Variants in DYNLT2B observed in about 807,000 individuals in gnomAD.
DYNLT2B encodes dynein light chain Tctex-type 2B.
Under a neutral mutation model 19.5 loss-of-function variants are expected in DYNLT2B, and 14 were observed. The observed-to-expected ratio is 0.72, with a 90% CI of 0.47 to 1.12. The LOEUF is 1.12. Ranked by LOEUF, DYNLT2B falls within the 50% of genes most tolerant of loss-of-function variation. DYNLT2B has a pLI of 0.00. For missense variants in DYNLT2B, 133 were observed against 174.7 expected (o/e 0.76, Z 1.35); for synonymous variants, 70 against 59.7 (o/e 1.17, Z -0.79).
chr3:196,317,968 G>C, intron 1 of DYNLT2B, 72 bp downstream of exon 1: 1 of 922,906 alleles, frequency 1.1e-6, no homozygotes, highest in African/African-American at 1.7e-5. Context: ...CCGTGGCCCA[G>C]GTCCCAGGCG....
At chr3:196,308,929 C>T (rs924512057) in intron 2 of DYNLT2B, among the ~76,000 whole-genome samples, 1 of 151,814 alleles carries the variant, frequency 6.6e-6, no homozygotes, top group African/African-American at 2.4e-5. Context: ...AAAAAACCCA[C>T]ACCATATCAG....
intron 3 of DYNLT2B, among the ~76,000 whole-genome samples, chr3:196,300,066 G>A (rs757280951): frequency 6.6e-6 from 1 of 152,154 alleles, no homozygotes; most frequent in African/African-American, 2.4e-5. Flanking sequence ...TGGAGGAAAC[G>A]GCTTATGGGC....
At chr3:196,309,266 C>CT (rs1303255001) in intron 2 of DYNLT2B, among the ~76,000 whole-genome samples, 2 of 151,998 alleles carry the variant, frequency 1.3e-5, no homozygotes, top group African/African-American at 2.4e-5. Flanking sequence ...AACAATTTTT[C>CT]TTTTTTTCTT....
At chr3:196,313,587 C>T (rs1333093291) in intron 2 of DYNLT2B, among the ~76,000 whole-genome samples, 1 of 151,856 alleles carries the variant, frequency 6.6e-6, no homozygotes, top group Non-Finnish European at 1.5e-5. Context: ...GAATGTGTAC[C>T]ATTTTTTACA....
chr3:196,313,620 C>T (rs1354323234), intron 2 of DYNLT2B, among the ~76,000 whole-genome samples: 2 of 152,240 alleles, frequency 1.3e-5, no homozygotes, highest in Non-Finnish European at 2.9e-5. Flanking sequence ...GATGAACCTT[C>T]ATTAAAAAGT....
intron 4 of DYNLT2B, among the ~76,000 whole-genome samples, chr3:196,292,157 T>G (rs1044303803): frequency 6.6e-6 from 1 of 152,344 alleles, no homozygotes; most frequent in Non-Finnish European, 1.5e-5. Context: ...TGTTCTTAAT[T>G]GATAAAATTT....
At chr3:196,300,350 A>G (rs758718561) in intron 3 of DYNLT2B, among the ~76,000 whole-genome samples, 1 of 152,184 alleles carries the variant, frequency 6.6e-6, no homozygotes, top group Non-Finnish European at 1.5e-5. Flanking sequence ...CAAGATCTGA[A>G]AGTCAGCACC....
rs138049431 is a variant in DYNLT2B at position 196,296,897 on chromosome 3, G to A, written c.318-828C>T. The stretch of plus-strand genomic sequence containing the variant: ...ACCTGTGAACAGCCACTGCACTTCA[G>A]CCTGGGAGACACAGCAGGACCCTGG... On this transcript the variant is annotated intron_variant, in intron 3 of 4. Coordinates refer to ENST00000325318, the MANE Select transcript of DYNLT2B (RefSeq NM_152773.5). Among the ~76,000 whole-genome samples the A allele has an allele frequency of 3.3e-3, 507 of 152,164 alleles. 12 individuals carry two copies. The South Asian group carries it at 0.064, about 19-fold the overall frequency.
intron 4 of DYNLT2B, among the ~76,000 whole-genome samples, chr3:196,293,735 C>T (rs1726151075): frequency 6.7e-6 from 1 of 148,792 alleles, no homozygotes; most frequent in African/African-American, 2.5e-5. Flanking sequence ...ACCTCTGCCT[C>T]CCAGGTTCAA....
chr3:196,315,841 C>T (rs1164481742), intron 2 of DYNLT2B, among the ~76,000 whole-genome samples: 1 of 152,092 alleles, frequency 6.6e-6, no homozygotes, highest in Non-Finnish European at 1.5e-5. Context: ...CATTGCACTC[C>T]AGCCTGGGCA....
chr3:196,315,185 G>T (rs1726746744), intron 2 of DYNLT2B: 1 of 420,614 alleles, frequency 2.4e-6, no homozygotes, highest in African/African-American at 2.1e-5. Context: ...AGACACTGAA[G>T]AAAAAGTTGT....
chr3:196,316,908 TTGTGTG>T (rs372481980), intron 1 of DYNLT2B, among the ~76,000 whole-genome samples: 594 of 43,874 alleles, frequency 0.014, 2 homozygotes, highest in East Asian at 0.068. Context: ...TGTGTGTGTG[TTGTGTG>T]GTGTGTGTGT....
At chr3:196,291,600 T>C (rs1726097438) in intron 4 of DYNLT2B, among the ~76,000 whole-genome samples, 1 of 152,158 alleles carries the variant, frequency 6.6e-6, no homozygotes, top group African/African-American at 2.4e-5. Flanking sequence ...TACCTCAGCC[T>C]CCAGAGTAGC....
intron 3 of DYNLT2B, among the ~76,000 whole-genome samples, chr3:196,303,996 G>A (rs1726419994): frequency 2.0e-5 from 3 of 152,222 alleles, no homozygotes; most frequent in South Asian, 4.2e-4. Context: ...GCACTCCAGC[G>A]TGGGCGACAG....
At chr3:196,292,090 T>TAAGAAC (rs1200079423) in intron 4 of DYNLT2B, among the ~76,000 whole-genome samples, 7 of 152,250 alleles carry the variant, frequency 4.6e-5, no homozygotes, top group Admixed American at 1.3e-4. Context: ...TCACTGATAA[T>TAAGAAC]AAGAACAACA....
intron 1 of DYNLT2B, among the ~76,000 whole-genome samples, chr3:196,317,103 T>C (rs1210989617): frequency 9.9e-5 from 10 of 100,842 alleles, no homozygotes; most frequent in Non-Finnish European, 8.0e-5. Flanking sequence ...TTAGTGATCT[T>C]ACAAACCTGA....
chr3:196,314,807 C>G (rs1726732910), intron 2 of DYNLT2B, among the ~76,000 whole-genome samples: 1 of 151,702 alleles, frequency 6.6e-6, no homozygotes, highest in South Asian at 2.1e-4. Context: ...GACAAAACAG[C>G]AAGACCCTAT....
At chr3:196,317,781 C>T (rs192460888) in intron 1 of DYNLT2B, among the ~76,000 whole-genome samples, 5 of 152,318 alleles carry the variant, frequency 3.3e-5, no homozygotes, top group African/African-American at 9.6e-5. Flanking sequence ...CCAGGGCCAA[C>T]CATTCCCGCC....
At chr3:196,308,574 A>C (rs2108795319) in intron 2 of DYNLT2B, among the ~76,000 whole-genome samples, 1 of 152,344 alleles carries the variant, frequency 6.6e-6, no homozygotes. Flanking sequence ...TTGACCAAGG[A>C]ATAGTGGAAA....
Sources: gnomAD v4.1 joint callset for allele counts (sites outside exome capture counted in the v4.1 genomes callset) on GRCh38, gnomAD v4.1.1 for gene constraint, MANE v1.5 for transcripts, NCBI Gene and HGNC (gene_info 2026-07-23, HGNC 2026-07-21) for gene names.